The following DPP8 variants were observed in gnomAD, a reference collection of about 807,000 sequenced individuals.
The protein encoded by DPP8 is DPP VIII.
DPP8 carries 31 observed loss-of-function variants against 107.5 expected under a neutral mutation model. The observed-to-expected ratio is 0.29, with a 90% confidence interval of 0.22 to 0.39. The LOEUF (loss-of-function observed/expected upper bound fraction) is 0.39, where lower values mean the gene tolerates loss of function less well. Among genes scored for constraint, DPP8 ranks in the 10% least tolerant of loss-of-function variants. The pLI, the probability that DPP8 is intolerant of heterozygous loss-of-function variation, is 1.00. For missense variants in DPP8, 842 were observed against 1,076.1 expected, an observed-to-expected ratio of 0.78 and a Z score of 3.04; for synonymous variants, 381 against 356.6, an observed-to-expected ratio of 1.07 and a Z score of -0.77.
intron 19 of DPP8, among the ~76,000 whole-genome samples, chr15:65,449,472 C>T (rs1010390194): frequency 4.0e-5 from 6 of 151,750 alleles, no homozygotes; most frequent in East Asian, 3.9e-4. Context: ...TTCAGTGGCA[C>T]GATCTCGGCT....
At position 65,517,496 on chromosome 15, in the gene DPP8, G is replaced by T. The variant is rs2071610166; in HGVS notation, c.-22C>A. ...GGGCGGATACTGCACCTTCCCCCCG[G>T]CCCCGCCCGGACCGTCCCGACGTGC... is the stretch of plus-strand genomic sequence containing the variant. On this transcript the variant is annotated 5_prime_UTR_variant, in exon 1 of 20. Transcript: ENST00000300141. 1 of 152,538 alleles carries T rather than the reference G, an allele frequency of 6.6e-6. No individual in the cohort carries two copies. Among genetic ancestry groups the T allele is most frequent in the Non-Finnish European group, 1.5e-5 (1 of 68,290 alleles). The allele number at this position is 152,538 out of a possible 1,614,324, so 9.4% of individuals were successfully genotyped here. A position where few individuals can be genotyped will look rare whatever the true frequency, so the allele number is the denominator to read the frequency against.
At chr15:65,458,016 C>T (rs144705388) in intron 15 of DPP8, among the ~76,000 whole-genome samples, 25 of 152,300 alleles carry the variant, frequency 1.6e-4, no homozygotes, top group Non-Finnish European at 3.4e-4. Context: ...CAGAGAAGTA[C>T]ACGAATATGA....
rs1203971665 is a variant in DPP8, at chr15:65,466,798, T to A, written c.1705A>T (p.Ile569Leu). Reference sequence around the variant, plus strand: ...TTCTTCTGGTTACTATACTTACTTATAAAGAAGTCACAGTGCTAGAGAAAG... The same window carrying A: ...TTCTTCTGGTTACTATACTTACTTAAAAAGAAGTCACAGTGCTAGAGAAAG... ...CCISQHCDFF[I>L]SKYSNQKNPH... The change falls in exon 14 of 20, where the codon ATA becomes TTA. Residue 569 changes from isoleucine to leucine, a missense_variant. Transcript: ENST00000300141. The A allele has an allele frequency of 8.7e-6, 14 of 1,613,166 alleles. No homozygotes were observed. The highest frequency in any genetic ancestry group is 1.2e-5 in the Non-Finnish European group (14 of 1,179,750).
chr15:65,452,579 G>A (rs2064067052), intron 17 of DPP8, among the ~76,000 whole-genome samples: 1 of 151,728 alleles, frequency 6.6e-6, no homozygotes, highest in Non-Finnish European at 1.5e-5. Context: ...TACAAACCTG[G>A]GAAAATTATG....
intron 3 of DPP8, among the ~76,000 whole-genome samples, chr15:65,503,765 G>A (rs971593809): frequency 3.9e-5 from 6 of 152,092 alleles, no homozygotes; most frequent in Admixed American, 3.9e-4. Flanking sequence ...TAGGATTACA[G>A]GCACCTGCCA....
chr15:65,470,496 G>C (rs1320659378), intron 12 of DPP8, among the ~76,000 whole-genome samples: 4 of 150,460 alleles, frequency 2.7e-5, no homozygotes, highest in Non-Finnish European at 5.9e-5. Context: ...ATCCCAGCTA[G>C]TCAGGGGGCT....
At chr15:65,459,258 C>T (rs1192960407) in intron 15 of DPP8, among the ~76,000 whole-genome samples, 1 of 152,018 alleles carries the variant, frequency 6.6e-6, no homozygotes, top group Non-Finnish European at 1.5e-5. Flanking sequence ...CTCACTGCAA[C>T]TTCAAACTCC....
intron 5 of DPP8, 40 bp from the exon 6 acceptor site, chr15:65,490,339 T>A: frequency 8.0e-7 from 1 of 1,255,418 alleles, no homozygotes. Context: ...CAGAAAGCTA[T>A]CTTTTCATAG....
chr15:65,470,138 T>C lies in DPP8; in HGVS notation c.1537-2915A>G, dbSNP rs576922781. ...TGAACCTAGGAGGCGGAGGTTGCAA[T>C]GAGCTGAGATCGCACTACTGCACTC... On this transcript the variant is annotated intron_variant, in intron 12 of 19. Transcript: ENST00000300141. Among the ~76,000 whole-genome samples, 8 of 125,868 alleles carry C rather than the reference T, an allele frequency of 6.4e-5. No individual in the cohort carries two copies. The South Asian group carries it at 2.0e-3, about 31-fold the overall frequency. The allele number at this position is 125,868 out of a possible 152,430, so 82.6% of individuals were successfully genotyped here.
intron 1 of DPP8, among the ~76,000 whole-genome samples, chr15:65,513,538 T>C (rs1033680133): frequency 6.6e-6 from 1 of 152,224 alleles, no homozygotes; most frequent in Non-Finnish European, 1.5e-5. Context: ...TAAGGAAATT[T>C]ACATGACTAT....
chr15:65,469,372 C>T (rs1188481126), intron 12 of DPP8, among the ~76,000 whole-genome samples: 1 of 151,628 alleles, frequency 6.6e-6, no homozygotes, highest in African/African-American at 2.4e-5. Flanking sequence ...AGCTCATAGG[C>T]AGCTGGGCGC....
intron 16 of DPP8, among the ~76,000 whole-genome samples, chr15:65,454,821 G>A (rs566909473): frequency 3.3e-5 from 5 of 151,704 alleles, no homozygotes; most frequent in South Asian, 2.1e-4. Flanking sequence ...CACCACACCC[G>A]GCCCCGTAGG....
chr15:65,480,184 G>T, intron 10 of DPP8, 38 bp downstream of exon 10: 1 of 1,565,368 alleles, frequency 6.4e-7, no homozygotes, highest in South Asian at 1.2e-5. Flanking sequence ...TTAGCATTCT[G>T]AGAAAATATT....
intron 10 of DPP8, 90 bp from the exon 11 acceptor site, chr15:65,479,129 A>G (rs1463466025): frequency 4.7e-6 from 4 of 852,686 alleles, no homozygotes; most frequent in Non-Finnish European, 6.7e-6. Flanking sequence ...TGATAAATAT[A>G]CTTTGAAATA....
intron 19 of DPP8, among the ~76,000 whole-genome samples, chr15:65,447,590 A>T (rs6494521): frequency 0.56 from 85,176 of 152,122 alleles, 26,396 homozygotes; most frequent in African/African-American, 0.83. Context: ...ATAAAGCACC[A>T]GTGCTATAGG....
chr15:65,504,077 T>C (rs1411518324), intron 3 of DPP8, among the ~76,000 whole-genome samples: 1 of 150,952 alleles, frequency 6.6e-6, no homozygotes, highest in East Asian at 2.0e-4. Context: ...TAAAAAAAAT[T>C]GCGGGCCGGG....
chr15:65,468,192 T>C (rs1567175799), intron 12 of DPP8, among the ~76,000 whole-genome samples: 1 of 152,190 alleles, frequency 6.6e-6, no homozygotes, highest in African/African-American at 2.4e-5. Flanking sequence ...ACCAGCCAAC[T>C]CAAACAATGT....
chr15:65,455,980 G>C (rs1002000630), intron 16 of DPP8: 26 of 863,630 alleles, frequency 3.0e-5, no homozygotes. Flanking sequence ...TTCTACCCAA[G>C]TGGACATACA....
At chr15:65,450,853 C>T in intron 19 of DPP8, 146 bp downstream of exon 19, 1 of 561,870 alleles carries the variant, frequency 1.8e-6, no homozygotes, top group Non-Finnish European at 3.1e-6. Flanking sequence ...CAACTACAGG[C>T]ACTACTAAAT....
Sources: allele counts gnomAD v4.1 joint callset (sites outside exome capture counted in the v4.1 genomes callset), GRCh38; gene constraint gnomAD v4.1.1; transcripts MANE v1.5; gene names NCBI Gene and HGNC (gene_info 2026-07-23, HGNC 2026-07-21).